ARHGAP29: variants seen among roughly 807,000 people sequenced by gnomAD.
ARHGAP29 encodes the protein rho GTPase-activating protein 29.
A neutral mutation model predicts 122.6 loss-of-function variants in ARHGAP29; 43 were observed. That is an observed-to-expected ratio of 0.35 (90% CI 0.27 to 0.45). The LOEUF (loss-of-function observed/expected upper bound fraction) is 0.45, where lower values mean the gene tolerates loss of function less well. ARHGAP29 is among the 20% of genes least tolerant of loss of function. The pLI is 1.00. For missense variants in ARHGAP29, 1,303 were observed against 1,477.2 expected, an observed-to-expected ratio of 0.88 and a Z score of 1.93; for synonymous variants, 506 against 497.1, an observed-to-expected ratio of 1.02 and a Z score of -0.24.
chr1:94,230,135 T>C (rs1201040452), intron 2 of ARHGAP29, among the ~76,000 whole-genome samples: 1 of 151,762 alleles, frequency 6.6e-6, no homozygotes, highest in African/African-American at 2.4e-5. Context: ...ATACATTTTA[T>C]TGTTTATAAA....
At chr1:94,297,543 C>T in the ARHGAP29 span, among the ~76,000 whole-genome samples, 19 of 152,168 alleles carry the variant, frequency 1.2e-4, no homozygotes, top group Non-Finnish European at 2.4e-4. Context: ...ACCCATTCCC[C>T]TTTCTTTTTT....
At chr1:94,250,867 C>T (rs965582829) in intron 1 of ARHGAP29, among the ~76,000 whole-genome samples, 4 of 152,188 alleles carry the variant, frequency 2.6e-5, no homozygotes, top group African/African-American at 7.2e-5. Flanking sequence ...ATATAAACCT[C>T]TGTGCTTGAG....
At chr1:94,294,027 A>G in the ARHGAP29 span, among the ~76,000 whole-genome samples, 1 of 152,172 alleles carries the variant, frequency 6.6e-6, no homozygotes. Flanking sequence ...TTGACTAATC[A>G]TTACTGTGCA....
the ARHGAP29 span, among the ~76,000 whole-genome samples, chr1:94,296,239 C>T: frequency 6.6e-6 from 1 of 152,180 alleles, no homozygotes; most frequent in African/African-American, 2.4e-5. Flanking sequence ...CATATCCACG[C>T]TATTTATGCT....
intron 1 of ARHGAP29, among the ~76,000 whole-genome samples, chr1:94,268,660 CAT>C (rs1654874100): frequency 6.6e-6 from 1 of 152,160 alleles, no homozygotes; most frequent in South Asian, 2.1e-4. Context: ...AAGATACTGG[CAT>C]ATTTATTAAG....
intron 1 of ARHGAP29, among the ~76,000 whole-genome samples, chr1:94,263,586 A>C (rs995403315): frequency 2.0e-5 from 3 of 152,112 alleles, no homozygotes; most frequent in African/African-American, 7.2e-5. Context: ...GTTTTACATA[A>C]TATGTTTATA....
rs536534370 is a variant in ARHGAP29 at position 94,205,335 on chromosome 1, T to C, written c.560-137A>G. 322 of 694,340 alleles carry C rather than the reference T, an allele frequency of 4.6e-4. 3 individuals carry two copies. The Admixed American group carries it at 0.011, about 23-fold the overall frequency. The allele number at this position is 694,340 out of a possible 1,614,324, so 43.0% of individuals were successfully genotyped here. On this transcript the variant is annotated intron_variant, in intron 6 of 22. Transcript: ENST00000260526. ...AAAAATACAAGTGACAAATTTACAATTAAAAGGCCAGAGTTTAAACTTAAA... is the reference window on the plus strand; with the variant it reads ...AAAAATACAAGTGACAAATTTACAACTAAAAGGCCAGAGTTTAAACTTAAA...
chr1:94,254,662 C>T (rs2100702008), intron 1 of ARHGAP29, among the ~76,000 whole-genome samples: 1 of 152,280 alleles, frequency 6.6e-6, no homozygotes, highest in South Asian at 2.1e-4. Flanking sequence ...AAACCAGAAC[C>T]TAAGGAAATG....
chr1:94,211,272 G>A (rs1388830350), intron 3 of ARHGAP29, among the ~76,000 whole-genome samples: 2 of 110,692 alleles, frequency 1.8e-5, no homozygotes, highest in East Asian at 2.8e-4. Flanking sequence ...GGGCGACAGA[G>A]CAAGGCTCTG....
At chr1:94,186,161 A>G (rs1480088461) in intron 16 of ARHGAP29, among the ~76,000 whole-genome samples, 1 of 152,206 alleles carries the variant, frequency 6.6e-6, no homozygotes, top group African/African-American at 2.4e-5. Context: ...GGAGCTTTTT[A>G]GAATTTCTTA....
chr1:94,248,478 C>G (rs1347804176), intron 1 of ARHGAP29, among the ~76,000 whole-genome samples: 1 of 152,192 alleles, frequency 6.6e-6, no homozygotes, highest in African/African-American at 2.4e-5. Flanking sequence ...CTTACCAACT[C>G]TACTAAGAAT....
At chr1:94,209,005 A>G (rs985049390) in intron 4 of ARHGAP29, 101 bp from the exon 5 acceptor site, 45 of 1,146,054 alleles carry the variant, frequency 3.9e-5, no homozygotes, top group Non-Finnish European at 5.1e-5. Context: ...AAAAATAAGA[A>G]CCTTAGAAAT....
Position 94,173,665 on chromosome 1 carries a change from T to C in ARHGAP29, c.*204A>G, listed in dbSNP as rs2101308462. ...TTAAAAATACAGAATTTAAAGATAA[T>C]TCCAGTGAGGCACAAATGTGACCCT... On this transcript the variant is annotated 3_prime_UTR_variant, in exon 23 of 23. Transcript: ENST00000260526. The C allele has an allele frequency of 5.5e-6, 3 of 541,458 alleles. No individual in the cohort carries two copies. Among genetic ancestry groups the C allele is most frequent in the South Asian group, 7.0e-5 (2 of 28,474 alleles). The allele number at this position is 541,458 out of a possible 1,614,324, so 33.5% of individuals were successfully genotyped here.
the ARHGAP29 span, among the ~76,000 whole-genome samples, chr1:94,306,138 G>A: frequency 1.1e-4 from 17 of 152,242 alleles, no homozygotes; most frequent in African/African-American, 4.1e-4. Flanking sequence ...CTTCCCTGCA[G>A]TAGTCGGGCC....
At chr1:94,281,743 CTATAGAG>C in the ARHGAP29 span, among the ~76,000 whole-genome samples, 1,497 of 152,224 alleles carry the variant, frequency 9.8e-3, 23 homozygotes, top group African/African-American at 0.033. Context: ...TGGGCAAATG[CTATAGAG>C]TATAAACAGT....
At chr1:94,249,436 C>G (rs1428829302) in intron 1 of ARHGAP29, 1 of 152,220 alleles carries the variant, frequency 6.6e-6, no homozygotes, top group Non-Finnish European at 1.5e-5. Flanking sequence ...TGCTCTGAAG[C>G]CTTTCTGTTC....
At chr1:94,298,539 T>C in the ARHGAP29 span, among the ~76,000 whole-genome samples, 368 of 152,346 alleles carry the variant, frequency 2.4e-3, no homozygotes, top group African/African-American at 8.5e-3. Flanking sequence ...TTTTGGTTTC[T>C]CAGATTCTTT....
intron 1 of ARHGAP29, among the ~76,000 whole-genome samples, chr1:94,257,653 G>A (rs1289217757): frequency 6.6e-6 from 1 of 152,120 alleles, no homozygotes; most frequent in Non-Finnish European, 1.5e-5. Context: ...AGCTTGCAGT[G>A]AGCTGTGATT....
intron 7 of ARHGAP29, 89 bp downstream of exon 7, chr1:94,204,972 G>A (rs868370488): frequency 1.6e-6 from 2 of 1,231,308 alleles, no homozygotes; most frequent in Non-Finnish European, 1.1e-6. Flanking sequence ...GTACTAATTT[G>A]GAATTCTATT....
Sources: gnomAD v4.1 joint callset for allele counts (sites outside exome capture counted in the v4.1 genomes callset) on GRCh38, gnomAD v4.1.1 for gene constraint, MANE v1.5 for transcripts, NCBI Gene and HGNC (gene_info 2026-07-23, HGNC 2026-07-21) for gene names.